TMEM132D: variants seen among roughly 807,000 people sequenced by gnomAD.
TMEM132D encodes transmembrane protein 132D.
In TMEM132D, 21 loss-of-function variants were observed where a neutral mutation model predicts 62.3. That is an observed-to-expected ratio of 0.34 (90% CI 0.24 to 0.49). The LOEUF (loss-of-function observed/expected upper bound fraction) is 0.49. TMEM132D is among the 20% of genes least tolerant of loss of function. The pLI is 0.99. For synonymous variants in TMEM132D, 621 were observed against 575.6 expected (o/e 1.08, Z -1.13); for missense variants, 1,346 against 1,402.8 (o/e 0.96, Z 0.65).
Position 129,072,612 on chromosome 12 carries a change from C to T in TMEM132D, c.*1263G>A, listed in dbSNP as rs975101774. ...CGCACCTCCAAGATGAAGAAGGTTT[C>T]TGTGCTGTCCGGTGTGTGTGAGGCT... On this transcript the variant is annotated 3_prime_UTR_variant, in exon 9 of 9. Transcript: ENST00000422113. The T allele has an allele frequency of 1.3e-5, 2 of 152,398 alleles. No homozygotes were observed. Among genetic ancestry groups the T allele is most frequent in the East Asian group, 3.8e-4 (2 of 5,202 alleles). The allele number at this position is 152,398 out of a possible 1,614,324, so 9.4% of individuals were successfully genotyped here.
chr12:129,850,522 G>A (rs116537071), intron 1 of TMEM132D, among the ~76,000 whole-genome samples: 1,874 of 152,248 alleles, frequency 0.012, 43 homozygotes, highest in African/African-American at 0.042. Context: ...ACACTTCAAG[G>A]GCCTCAGGGT....
chr12:129,695,567 T>C (rs1056646015), intron 2 of TMEM132D, among the ~76,000 whole-genome samples: 11 of 152,252 alleles, frequency 7.2e-5, no homozygotes, highest in African/African-American at 2.4e-4. Flanking sequence ...CACCAACATC[T>C]GTCCTCTTTG....
At chr12:129,398,509 T>C (rs4460877) in intron 3 of TMEM132D, among the ~76,000 whole-genome samples, 1 of 152,070 alleles carries the variant, frequency 6.6e-6, no homozygotes, top group African/African-American at 2.4e-5. Context: ...ACCAGGAAAC[T>C]TGTTCATTCT....
At chr12:129,554,492 A>G (rs1464682684) in intron 2 of TMEM132D, among the ~76,000 whole-genome samples, 1 of 152,186 alleles carries the variant, frequency 6.6e-6, no homozygotes, top group African/African-American at 2.4e-5. Context: ...TGAGGGCATC[A>G]CAGTTGCTTA....
intron 1 of TMEM132D, among the ~76,000 whole-genome samples, chr12:129,862,490 C>T (rs1236739350): frequency 1.3e-5 from 2 of 152,210 alleles, no homozygotes; most frequent in African/African-American, 4.8e-5. Context: ...CTCTGAGCCA[C>T]TAGTTCAATC....
At chr12:129,325,228 C>G (rs1264864643) in intron 4 of TMEM132D, among the ~76,000 whole-genome samples, 2 of 152,162 alleles carry the variant, frequency 1.3e-5, no homozygotes, top group Non-Finnish European at 2.9e-5. Flanking sequence ...CACAACTACC[C>G]CTATTCCCTT....
At chr12:129,522,119 T>A (rs11060390) in intron 3 of TMEM132D, among the ~76,000 whole-genome samples, 1 of 152,118 alleles carries the variant, frequency 6.6e-6, no homozygotes, top group Non-Finnish European at 1.5e-5. Flanking sequence ...TGATGTCAGT[T>A]AGTCACCAGG....
chr12:129,527,330 C>A (rs1177427510), intron 3 of TMEM132D, among the ~76,000 whole-genome samples: 1 of 151,998 alleles, frequency 6.6e-6, no homozygotes, highest in Non-Finnish European at 1.5e-5. Context: ...CAAAATGAAA[C>A]AAAACATTCG....
At chr12:129,415,437 C>T (rs966777932) in intron 3 of TMEM132D, among the ~76,000 whole-genome samples, 3 of 151,992 alleles carry the variant, frequency 2.0e-5, no homozygotes, top group Non-Finnish European at 4.4e-5. Flanking sequence ...TTGTCCAGGC[C>T]GAAAAGAAGT....
intron 4 of TMEM132D, among the ~76,000 whole-genome samples, chr12:129,239,743 G>T (rs1454446246): frequency 2.6e-5 from 4 of 152,160 alleles, no homozygotes; most frequent in Non-Finnish European, 5.9e-5. Context: ...GGCAAAAAAG[G>T]ATCTTCCCCT....
At chr12:129,136,869 CCAT>C (rs879690900) in intron 5 of TMEM132D, among the ~76,000 whole-genome samples, 4 of 150,164 alleles carry the variant, frequency 2.7e-5, no homozygotes, top group Non-Finnish European at 5.9e-5. Context: ...ATCACCACCA[CCAT>C]CATTACTATC....
At chr12:129,438,886 G>A (rs187339364) in intron 3 of TMEM132D, among the ~76,000 whole-genome samples, 1 of 152,258 alleles carries the variant, frequency 6.6e-6, no homozygotes, top group East Asian at 1.9e-4. Flanking sequence ...TAATTTCACA[G>A]AGCAATAAAT....
chr12:129,234,099 A>G lies in TMEM132D; in HGVS notation c.1300-24436T>C, dbSNP rs537877701. 5.9e-5 allele frequency among the ~76,000 whole-genome samples: 9 copies of G among 152,322 alleles called. No individual in the cohort carries two copies. The South Asian group carries it at 1.9e-3, about 32-fold the overall frequency. On this transcript the variant is annotated intron_variant, in intron 4 of 8. Transcript: ENST00000422113. ...TGTAAATTCTGCTTGGCAAAATATG[A>G]CTTTAGAAGTTGACATTTAGAAAAC...
At chr12:129,667,407 A>G (rs2137196899) in intron 2 of TMEM132D, among the ~76,000 whole-genome samples, 1 of 152,278 alleles carries the variant, frequency 6.6e-6, no homozygotes, top group East Asian at 1.9e-4. Flanking sequence ...AAGGGAAGAG[A>G]GAGAAAAGAC....
chr12:129,831,793 AC>A (rs34902578), intron 1 of TMEM132D, among the ~76,000 whole-genome samples: 29,260 of 150,338 alleles, frequency 0.19, 2,977 homozygotes, highest in South Asian at 0.31. Flanking sequence ...CCTCCCAACA[AC>A]CCCCAGGCTG....
intron 2 of TMEM132D, among the ~76,000 whole-genome samples, chr12:129,531,808 T>C (rs1014193953): frequency 6.6e-6 from 1 of 152,226 alleles, no homozygotes; most frequent in Non-Finnish European, 1.5e-5. Flanking sequence ...TAATCTTGTC[T>C]TCTTACTGTA....
intron 3 of TMEM132D, among the ~76,000 whole-genome samples, chr12:129,457,702 A>G (rs1873521521): frequency 6.6e-6 from 1 of 152,122 alleles, no homozygotes; most frequent in Non-Finnish European, 1.5e-5. Context: ...GGCAAAGAAA[A>G]AGGAAGCATG....
intron 1 of TMEM132D, chr12:129,854,557 T>C (rs1873654898): frequency 6.6e-6 from 1 of 152,134 alleles, no homozygotes; most frequent in South Asian, 2.1e-4. Context: ...AGAAAAAAAC[T>C]GACCTTGTGG....
intron 1 of TMEM132D, among the ~76,000 whole-genome samples, chr12:129,862,404 C>T (rs1566011996): frequency 6.6e-6 from 1 of 152,200 alleles, no homozygotes; most frequent in Non-Finnish European, 1.5e-5. Context: ...AGGCGTTTTC[C>T]AGGGGGCTGT....
Sources: gnomAD v4.1 joint callset for allele counts (sites outside exome capture counted in the v4.1 genomes callset) on GRCh38, gnomAD v4.1.1 for gene constraint, MANE v1.5 for transcripts, NCBI Gene and HGNC (gene_info 2026-07-23, HGNC 2026-07-21) for gene names.